CSNK2A2IP: variants seen among roughly 807,000 people sequenced by gnomAD.
CSNK2A2IP encodes casein kinase II subunit alpha'-interacting protein.
At chr3:88,439,841 G>A in the CSNK2A2IP span, among the ~76,000 whole-genome samples, 1 of 152,060 alleles carries the variant, frequency 6.6e-6, no homozygotes, top group African/African-American at 2.4e-5. Flanking sequence ...GAGACGAGGA[G>A]AAAAAGTTCT....
chr3:88,414,116 G>A, the CSNK2A2IP span, among the ~76,000 whole-genome samples: 1 of 150,704 alleles, frequency 6.6e-6, no homozygotes, highest in East Asian at 1.9e-4. Context: ...TAGGGAAACA[G>A]ACTATCTCTT....
At chr3:88,344,729 TAAAC>T in the CSNK2A2IP span, among the ~76,000 whole-genome samples, 1 of 151,918 alleles carries the variant, frequency 6.6e-6, no homozygotes, top group African/African-American at 2.4e-5. Context: ...TTTATTGTAA[TAAAC>T]TAATAATAAA....
At chr3:88,362,660 G>A in the CSNK2A2IP span, among the ~76,000 whole-genome samples, 1 of 152,172 alleles carries the variant, frequency 6.6e-6, no homozygotes, top group African/African-American at 2.4e-5. Context: ...CAAAGGTCAC[G>A]TTAGTCAGCA....
the CSNK2A2IP span, among the ~76,000 whole-genome samples, chr3:88,414,714 A>C: frequency 6.6e-6 from 1 of 152,024 alleles, no homozygotes; most frequent in East Asian, 1.9e-4. Context: ...GTACTAAATA[A>C]TGACAGAATG....
chr3:88,373,780 C>T, the CSNK2A2IP span, among the ~76,000 whole-genome samples: 4 of 150,794 alleles, frequency 2.7e-5, no homozygotes. Flanking sequence ...ACACAGATTA[C>T]CAATATAAAA....
At chr3:88,428,586 G>C in the CSNK2A2IP span, among the ~76,000 whole-genome samples, 1 of 152,130 alleles carries the variant, frequency 6.6e-6, no homozygotes, top group African/African-American at 2.4e-5. Context: ...CCCTCATGCT[G>C]TTCTCGTGAT....
chr3:88,354,442 A>T, the CSNK2A2IP span, among the ~76,000 whole-genome samples: 1 of 152,206 alleles, frequency 6.6e-6, no homozygotes, highest in East Asian at 1.9e-4. Flanking sequence ...ACAAAATTTA[A>T]GGAATGCTGA....
At chr3:88,411,383 A>ATCTATCTATCTG in the CSNK2A2IP span, among the ~76,000 whole-genome samples, 195 of 55,066 alleles carry the variant, frequency 3.5e-3, 2 homozygotes, top group African/African-American at 7.5e-3. Flanking sequence ...CTATCTGTCT[A>ATCTATCTATCTG]TCTATCTATC....
the CSNK2A2IP span, among the ~76,000 whole-genome samples, chr3:88,370,211 G>A: frequency 6.6e-6 from 1 of 152,006 alleles, no homozygotes; most frequent in South Asian, 2.1e-4. Flanking sequence ...TTTGGAATGG[G>A]CATTGCAATG....
chr3:88,402,830 T>C, the CSNK2A2IP span, among the ~76,000 whole-genome samples: 2 of 151,926 alleles, frequency 1.3e-5, no homozygotes, highest in East Asian at 3.9e-4. Flanking sequence ...ATCAATTAGG[T>C]TGCTCAAAAA....
chr3:88,362,130 A>G, the CSNK2A2IP span, among the ~76,000 whole-genome samples: 1 of 151,980 alleles, frequency 6.6e-6, no homozygotes, highest in African/African-American at 2.4e-5. Context: ...TGGAGAGGTC[A>G]TGTTTTTTCT....
chr3:88,457,542 A>G, the CSNK2A2IP span, among the ~76,000 whole-genome samples: 1 of 151,676 alleles, frequency 6.6e-6, no homozygotes, highest in Admixed American at 6.6e-5. Context: ...CTAAAAATAT[A>G]AAAAATTAGC....
At chr3:88,442,238 C>G in the CSNK2A2IP span, among the ~76,000 whole-genome samples, 1 of 152,098 alleles carries the variant, frequency 6.6e-6, no homozygotes, top group Non-Finnish European at 1.5e-5. Flanking sequence ...CAGGGTCTCA[C>G]TAGGTTGTTC....
chr3:88,403,376 A>C, the CSNK2A2IP span, among the ~76,000 whole-genome samples: 1 of 152,124 alleles, frequency 6.6e-6, no homozygotes. Flanking sequence ...AGACTGGCTA[A>C]TTTGATTTAT....
chr3:88,412,467 T>C, the CSNK2A2IP span, among the ~76,000 whole-genome samples: 1 of 152,056 alleles, frequency 6.6e-6, no homozygotes, highest in African/African-American at 2.4e-5. Context: ...GCAGAGTACA[T>C]TGCTTTTCTT....
At chr3:88,466,319 A>G in the CSNK2A2IP span, 10 of 1,231,632 alleles carry the variant, frequency 8.1e-6, no homozygotes, top group Middle Eastern at 3.1e-4. Flanking sequence ...TTTCAGCTCA[A>G]TTCTCAGTCA....
chr3:88,354,016 C>T, the CSNK2A2IP span, among the ~76,000 whole-genome samples: 7 of 152,076 alleles, frequency 4.6e-5, no homozygotes, highest in Non-Finnish European at 8.8e-5. Flanking sequence ...CTATCAGTTA[C>T]CATGAAATCT....
the CSNK2A2IP span, chr3:88,343,337 C>T: frequency 6.6e-6 from 1 of 151,936 alleles, no homozygotes; most frequent in Non-Finnish European, 1.5e-5. Flanking sequence ...ACACTATGTC[C>T]CTTTTTGCGG....
At chr3:88,415,772 C>T in the CSNK2A2IP span, among the ~76,000 whole-genome samples, 791 of 152,120 alleles carry the variant, frequency 5.2e-3, 11 homozygotes, top group African/African-American at 0.018. Context: ...GCCTCCTTTA[C>T]AAGCCCTAAA....
Sources: allele counts gnomAD v4.1 joint callset (sites outside exome capture counted in the v4.1 genomes callset), GRCh38; gene constraint gnomAD v4.1.1; transcripts MANE v1.5; gene names NCBI Gene and HGNC (gene_info 2026-07-23, HGNC 2026-07-21).